Variants in MEI4 observed in about 807,000 individuals in gnomAD.
MEI4 encodes the protein meiotic double-stranded break formation protein 4.
A neutral mutation model predicts 31.4 loss-of-function variants in MEI4; 27 were observed. The ratio of observed to expected loss-of-function variants is 0.86; its 90% confidence interval spans 0.63 to 1.19. MEI4 has a LOEUF of 1.19. Ranked by LOEUF, MEI4 falls within the 50% of genes most tolerant of loss-of-function variation. The pLI is 0.00. For synonymous variants in MEI4, 122 were observed against 145.4 expected, an observed-to-expected ratio of 0.84 and a Z score of 1.16; for missense variants, 329 against 398.9, an observed-to-expected ratio of 0.82 and a Z score of 1.49.
At chr6:77,829,187 T>C in intron 4 of MEI4, 125 bp downstream of exon 4, 2 of 713,442 alleles carry the variant, frequency 2.8e-6, no homozygotes, top group Non-Finnish European at 1.9e-6. Flanking sequence ...ATGTCTAATA[T>C]ATGTGAGTAA....
intron 4 of MEI4, among the ~76,000 whole-genome samples, chr6:77,888,509 A>G (rs1771679531): frequency 6.6e-6 from 1 of 152,038 alleles, no homozygotes; most frequent in South Asian, 2.1e-4. Context: ...GACTGCCTTA[A>G]GTGTTTCTTG....
At chr6:77,869,412 G>A (rs1771140890) in intron 4 of MEI4, among the ~76,000 whole-genome samples, 1 of 152,088 alleles carries the variant, frequency 6.6e-6, no homozygotes, top group Non-Finnish European at 1.5e-5. Context: ...GATCCTTTAG[G>A]ATGTGCCCTA....
At chr6:77,741,320 C>T (rs1248629026) in intron 2 of MEI4, among the ~76,000 whole-genome samples, 1 of 152,074 alleles carries the variant, frequency 6.6e-6, no homozygotes, top group Non-Finnish European at 1.5e-5. Context: ...GTATGGGTAG[C>T]CTGTGGGAGA....
At chr6:77,658,201 A>AGG (rs1299941843) in intron 1 of MEI4, among the ~76,000 whole-genome samples, 2 of 151,888 alleles carry the variant, frequency 1.3e-5, no homozygotes, top group Non-Finnish European at 2.9e-5. Flanking sequence ...TTTTGCGGGC[A>AGG]GGGGGTGGGT....
intron 3 of MEI4, among the ~76,000 whole-genome samples, chr6:77,822,534 A>G (rs1769850999): frequency 6.6e-6 from 1 of 152,020 alleles, no homozygotes; most frequent in Non-Finnish European, 1.5e-5. Flanking sequence ...TTAATTCTAA[A>G]TTTGTATGAG....
At chr6:77,810,645 G>C (rs112307882) in intron 3 of MEI4, among the ~76,000 whole-genome samples, 14 of 152,176 alleles carry the variant, frequency 9.2e-5, no homozygotes, top group African/African-American at 3.4e-4. Flanking sequence ...GACTTCATGA[G>C]GCTTTCTAGC....
At chr6:77,906,007 T>G (rs1766288531) in intron 4 of MEI4, among the ~76,000 whole-genome samples, 1 of 152,056 alleles carries the variant, frequency 6.6e-6, no homozygotes, top group South Asian at 2.1e-4. Flanking sequence ...ATTTATTGTA[T>G]TTTCAGCCCC....
At chr6:77,855,109 A>G (rs1465666443) in intron 4 of MEI4, among the ~76,000 whole-genome samples, 1 of 152,104 alleles carries the variant, frequency 6.6e-6, no homozygotes, top group African/African-American at 2.4e-5. Flanking sequence ...TTGGGAGGCC[A>G]AGGCGGGCAG....
chr6:77,797,764 A>C (rs1318937824), intron 3 of MEI4, among the ~76,000 whole-genome samples: 1 of 152,120 alleles, frequency 6.6e-6, no homozygotes, highest in African/African-American at 2.4e-5. Context: ...TTCTAGCCAC[A>C]CTGGTAGCTG....
chr6:77,907,260 T>C (rs1766317590), intron 4 of MEI4, among the ~76,000 whole-genome samples: 1 of 152,110 alleles, frequency 6.6e-6, no homozygotes. Flanking sequence ...TAACATTAGG[T>C]ATATCTCCAA....
Position 77,924,325 on chromosome 6 carries a change from T to C in MEI4, c.*979T>C, listed in dbSNP as rs1766792814. The C allele has an allele frequency of 6.6e-6, 1 of 151,906 alleles. No individual in the cohort carries two copies. The highest frequency in any genetic ancestry group is 2.1e-4 in the South Asian group (1 of 4,832). The allele number at this position is 151,906 out of a possible 1,614,324, so 9.4% of individuals were successfully genotyped here. A position where few individuals can be genotyped will look rare whatever the true frequency, so the allele number is the denominator to read the frequency against. On this transcript the variant is annotated 3_prime_UTR_variant, in exon 5 of 5. Coordinates refer to ENST00000684080, the MANE Select transcript of MEI4 (RefSeq NM_001322247.2). ...TTGGCATTAAAAGTAATCTTGATAA[T>C]TCCATCTACAATGTATATACAATTA...
At chr6:77,742,833 A>C (rs568997361) in intron 2 of MEI4, among the ~76,000 whole-genome samples, 1 of 152,108 alleles carries the variant, frequency 6.6e-6, no homozygotes, top group South Asian at 2.1e-4. Context: ...TCAGCTTTCT[A>C]CATATGGCTA....
intron 2 of MEI4, among the ~76,000 whole-genome samples, chr6:77,703,645 G>A (rs902708167): frequency 1.3e-5 from 2 of 152,046 alleles, no homozygotes; most frequent in Non-Finnish European, 2.9e-5. Context: ...CGTACCATGA[G>A]GATTCTGGAT....
At chr6:77,658,435 G>GGCTT (rs1332187077) in intron 1 of MEI4, among the ~76,000 whole-genome samples, 1 of 152,112 alleles carries the variant, frequency 6.6e-6, no homozygotes, top group Non-Finnish European at 1.5e-5. Flanking sequence ...GGGATGCGAT[G>GGCTT]GCTTGGCTTG....
intron 4 of MEI4, among the ~76,000 whole-genome samples, chr6:77,875,306 A>G (rs1771307436): frequency 6.6e-6 from 1 of 152,228 alleles, no homozygotes; most frequent in South Asian, 2.1e-4. Flanking sequence ...CAAAGCACAT[A>G]CTACATCTTC....
At position 77,926,466 on chromosome 6, in the gene MEI4, C is replaced by A. The variant is rs1340223543; in HGVS notation, c.*3120C>A. The A allele has an allele frequency of 6.6e-5, 10 of 151,854 alleles. No homozygotes were observed. Among genetic ancestry groups the A allele is most frequent in the Admixed American group, 1.3e-4 (2 of 15,168 alleles). 9.4% of individuals were successfully genotyped at this position (151,854 alleles called of 1,614,324 possible). ...AGCAAAATGGGGAGAGAAAACAAAT[C>A]TGACTGGTTTGTTCTTGGAAAAATA... On this transcript the variant is annotated 3_prime_UTR_variant, in exon 5 of 5. Coordinates refer to ENST00000684080, the MANE Select transcript of MEI4 (RefSeq NM_001322247.2).
intron 2 of MEI4, among the ~76,000 whole-genome samples, chr6:77,744,017 G>GA (rs1333591201): frequency 2.0e-5 from 3 of 152,198 alleles, no homozygotes; most frequent in East Asian, 1.9e-4. Context: ...CAAAGACGGA[G>GA]AAAAAACAGA....
chr6:77,875,608 A>G (rs762489225), intron 4 of MEI4, among the ~76,000 whole-genome samples: 1 of 152,186 alleles, frequency 6.6e-6, no homozygotes, highest in Non-Finnish European at 1.5e-5. Context: ...GAAATCCAGG[A>G]TCTTGGAAAG....
At chr6:77,704,970 G>GA (rs1265600490) in intron 2 of MEI4, among the ~76,000 whole-genome samples, 1 of 152,042 alleles carries the variant, frequency 6.6e-6, no homozygotes, top group Non-Finnish European at 1.5e-5. Context: ...AGAAATGAGA[G>GA]AAAATGAACC....
Sources: allele counts gnomAD v4.1 joint callset (sites outside exome capture counted in the v4.1 genomes callset), GRCh38; gene constraint gnomAD v4.1.1; transcripts MANE v1.5; gene names NCBI Gene and HGNC (gene_info 2026-07-23, HGNC 2026-07-21).